Variants in SGMS2 observed in about 807,000 individuals in gnomAD.
The protein encoded by SGMS2 is phosphatidylcholine:ceramide cholinephosphotransferase 2.
A neutral mutation model predicts 43.8 loss-of-function variants in SGMS2; 21 were observed. The observed-to-expected ratio is 0.48, with a 90% confidence interval of 0.34 to 0.69. The LOEUF (loss-of-function observed/expected upper bound fraction) is 0.69. Among genes scored for constraint, SGMS2 ranks in the 30% least tolerant of loss-of-function variants. The pLI is 0.01. For missense variants in SGMS2, 384 were observed against 443.2 expected, an observed-to-expected ratio of 0.87 and a Z score of 1.20; for synonymous variants, 167 against 160.6, an observed-to-expected ratio of 1.04 and a Z score of -0.30.
chr4:107,913,600 A>G lies in SGMS2; in HGVS notation c.*3047A>G, dbSNP rs1732262109. The G allele has an allele frequency of 1.3e-5, 2 of 152,222 alleles. No homozygotes were observed. Among genetic ancestry groups the G allele is most frequent in the Admixed American group, 6.5e-5 (1 of 15,272 alleles). The allele number at this position is 152,222 out of a possible 1,614,324, so 9.4% of individuals were successfully genotyped here. A position where few individuals can be genotyped will look rare whatever the true frequency, so the allele number is the denominator to read the frequency against. Reference sequence around the variant, plus strand: ...TGTTGTTTGCCAATAATCTGAAAGTATCATGTGAAAGGAATTATTTTAAAA... The same window carrying G: ...TGTTGTTTGCCAATAATCTGAAAGTGTCATGTGAAAGGAATTATTTTAAAA... On this transcript the variant is annotated 3_prime_UTR_variant, in exon 7 of 7. Coordinates refer to ENST00000690982, the MANE Select transcript of SGMS2 (RefSeq NM_001375905.1).
chr4:107,859,187 AAG>A (rs1727592221), intron 2 of SGMS2, among the ~76,000 whole-genome samples: 1 of 152,128 alleles, frequency 6.6e-6, no homozygotes, highest in South Asian at 2.1e-4. Context: ...TTTAGTGCAA[AAG>A]AGTTTCCCTT....
chr4:107,825,578 CTGTGTG>C (rs1293573587), intron 1 of SGMS2, among the ~76,000 whole-genome samples: 3 of 149,660 alleles, frequency 2.0e-5, no homozygotes, highest in Non-Finnish European at 4.4e-5. Flanking sequence ...GGAGGAGGGA[CTGTGTG>C]TGTGTGTTTG....
intron 1 of SGMS2, among the ~76,000 whole-genome samples, chr4:107,834,750 C>T (rs1560628295): frequency 6.6e-6 from 1 of 152,116 alleles, no homozygotes; most frequent in South Asian, 2.1e-4. Flanking sequence ...ATTAAAAGAA[C>T]AAGAGGCTGG....
At chr4:107,899,907 A>C (rs999264785) in intron 4 of SGMS2, among the ~76,000 whole-genome samples, 1 of 152,124 alleles carries the variant, frequency 6.6e-6, no homozygotes, top group Non-Finnish European at 1.5e-5. Context: ...TTAACTGAAA[A>C]TTACCATTGG....
intron 1 of SGMS2, among the ~76,000 whole-genome samples, chr4:107,833,241 G>T (rs974971188): frequency 6.6e-6 from 1 of 151,944 alleles, no homozygotes. Flanking sequence ...TTAGCTTTAG[G>T]GTTTTCATTT....
In SGMS2 at chr4:107,866,268, TA is replaced by T. The variant is rs200854795; in HGVS notation, c.-245+7724del. Among the ~76,000 whole-genome samples, 122 of 151,354 alleles carry T rather than the reference TA, an allele frequency of 8.1e-4. No individual in the cohort carries two copies. In the East Asian group the frequency reaches 0.021, roughly 25 times the overall value. ...ATCAAGCTAAATAAAAATACCAAGT[TA>T]AAAAAAAACTCTTGGCTGGGCATTG... On this transcript the variant is annotated intron_variant, in intron 2 of 6. Coordinates refer to ENST00000690982, the MANE Select transcript of SGMS2 (RefSeq NM_001375905.1).
chr4:107,851,316 A>G (rs1727128358), intron 1 of SGMS2, among the ~76,000 whole-genome samples: 1 of 152,190 alleles, frequency 6.6e-6, no homozygotes, highest in Admixed American at 6.5e-5. Context: ...GCTGATAACT[A>G]CAGAGGAGGC....
At chr4:107,906,122 G>T (rs1232728076) in intron 5 of SGMS2, among the ~76,000 whole-genome samples, 2 of 152,144 alleles carry the variant, frequency 1.3e-5, no homozygotes, top group African/African-American at 4.8e-5. Flanking sequence ...ATATGTTCTT[G>T]TTCTGAGTAA....
At chr4:107,909,184 C>T (rs141713207) in intron 6 of SGMS2, among the ~76,000 whole-genome samples, 1,798 of 151,574 alleles carry the variant, frequency 0.012, 12 homozygotes, top group South Asian at 0.027. Context: ...TGGCTTACTG[C>T]AACCTCCACC....
chr4:107,869,573 G>A (rs1728398826), intron 2 of SGMS2, among the ~76,000 whole-genome samples: 1 of 152,082 alleles, frequency 6.6e-6, no homozygotes, highest in African/African-American at 2.4e-5. Context: ...AAGCAGTCTT[G>A]AGAACAAGTA....
At chr4:107,880,864 AAAAG>A (rs1260349134) in intron 2 of SGMS2, among the ~76,000 whole-genome samples, 5 of 147,678 alleles carry the variant, frequency 3.4e-5, no homozygotes, top group South Asian at 2.1e-4. Context: ...AAAAAAAAAA[AAAAG>A]AAAGAAAAAG....
At chr4:107,858,018 C>CA (rs1727521968) in intron 1 of SGMS2, among the ~76,000 whole-genome samples, 3 of 151,964 alleles carry the variant, frequency 2.0e-5, no homozygotes, top group Admixed American at 6.6e-5. Context: ...CCACCCCCCC[C>CA]ATCCCCAACC....
chr4:107,895,701 C>G lies in SGMS2; in HGVS notation c.148C>G (p.Arg50Gly). The part of the protein sequence containing the change: ...GKPKSLSSGL[R>G]KGTKKYPDYI... The stretch of plus-strand genomic sequence containing the variant: ...ACCCAAGAGCTTATCCAGTGGGCTG[C>G]GAAAAGGCACCAAAAAGTACCCGGA... The change falls in exon 3 of 7, where the codon CGA becomes GGA. Residue 50 changes from arginine to glycine, a missense_variant. Physicochemically the swap from Arg to Gly is moderately radical, Grantham distance 125. Transcript: ENST00000690982. 1 of 1,613,888 alleles carries G rather than the reference C, an allele frequency of 6.2e-7. No homozygotes were observed.
intron 1 of SGMS2, among the ~76,000 whole-genome samples, chr4:107,855,716 T>C (rs1429299429): frequency 6.6e-6 from 1 of 152,090 alleles, no homozygotes; most frequent in Non-Finnish European, 1.5e-5. Flanking sequence ...TGGTCTAGAG[T>C]ATAGTTTAAT....
intron 1 of SGMS2, among the ~76,000 whole-genome samples, chr4:107,833,084 C>A (rs1363137779): frequency 2.0e-5 from 3 of 152,132 alleles, no homozygotes; most frequent in Admixed American, 2.0e-4. Flanking sequence ...AAGCATTTCC[C>A]TGTAAAAGCT....
intron 1 of SGMS2, among the ~76,000 whole-genome samples, chr4:107,831,893 C>A (rs1349597029): frequency 6.6e-6 from 1 of 152,206 alleles, no homozygotes; most frequent in African/African-American, 2.4e-5. Context: ...GCCCTCTTAG[C>A]AGATGCTGGT....
At position 107,869,756 on chromosome 4, in the gene SGMS2, T is replaced by TA. The variant is rs200842361; in HGVS notation, c.-245+11213dup. 9.8e-4 allele frequency among the ~76,000 whole-genome samples: 146 copies of TA among 149,578 alleles called. No homozygotes were observed. In the Middle Eastern group the frequency reaches 0.028, roughly 29 times the overall value. On this transcript the variant is annotated intron_variant, in intron 2 of 6. Coordinates refer to ENST00000690982, the MANE Select transcript of SGMS2 (RefSeq NM_001375905.1). ...CAAAAATACAGAGTAGAGGACAGAT[T>TA]AAAAAAAAAAGATTTCCTGTGATAA...
chr4:107,860,685 TG>T (rs1372597937), intron 2 of SGMS2, among the ~76,000 whole-genome samples: 1 of 152,034 alleles, frequency 6.6e-6, no homozygotes, highest in African/African-American at 2.4e-5. Flanking sequence ...CCATTGCGCC[TG>T]GCTAATTTTT....
intron 1 of SGMS2, among the ~76,000 whole-genome samples, chr4:107,843,794 A>G (rs1164315813): frequency 6.6e-6 from 1 of 152,206 alleles, no homozygotes; most frequent in African/African-American, 2.4e-5. Flanking sequence ...TTCTAGATGT[A>G]ATTCACAGAA....
Sources: gnomAD v4.1 joint callset for allele counts (sites outside exome capture counted in the v4.1 genomes callset) on GRCh38, gnomAD v4.1.1 for gene constraint, MANE v1.5 for transcripts, NCBI Gene and HGNC (gene_info 2026-07-23, HGNC 2026-07-21) for gene names.